FER: variants seen among roughly 807,000 people sequenced by gnomAD.
The protein encoded by FER is tyrosine-protein kinase Fer.
A neutral mutation model predicts 111.0 loss-of-function variants in FER; 63 were observed. The observed-to-expected ratio is 0.57, with a 90% CI of 0.46 to 0.70. FER has a LOEUF of 0.70. Among genes scored for constraint, FER ranks in the 30% least tolerant of loss-of-function variants. The pLI is 0.00. For missense variants in FER, 914 were observed against 954.0 expected (o/e 0.96, Z 0.55); for synonymous variants, 327 against 313.9 (o/e 1.04, Z -0.44).
chr5:109,041,360 A>C (rs1055366499), intron 14 of FER, among the ~76,000 whole-genome samples: 3 of 152,120 alleles, frequency 2.0e-5, no homozygotes, highest in African/African-American at 7.2e-5. Context: ...ACACAGAAGG[A>C]GGAGAATATA....
At chr5:108,992,447 G>A (rs1763326111) in intron 13 of FER, among the ~76,000 whole-genome samples, 1 of 151,978 alleles carries the variant, frequency 6.6e-6, no homozygotes, top group South Asian at 2.1e-4. Flanking sequence ...TCCCAGTAGG[G>A]GCGGCAGGGC....
chr5:108,787,536 T>C (rs1754882706), intron 2 of FER, among the ~76,000 whole-genome samples: 1 of 152,164 alleles, frequency 6.6e-6, no homozygotes, highest in Non-Finnish European at 1.5e-5. Flanking sequence ...GAGTGAGAAC[T>C]TCATTGATGA....
chr5:108,905,730 T>A (rs1458036713), intron 10 of FER, among the ~76,000 whole-genome samples: 1 of 152,198 alleles, frequency 6.6e-6, no homozygotes, highest in Admixed American at 6.5e-5. Context: ...AAACATTTTT[T>A]AAACTTGTGT....
intron 5 of FER, chr5:108,842,227 G>A (rs1761340477): frequency 6.6e-6 from 1 of 152,184 alleles, no homozygotes; most frequent in Non-Finnish European, 1.5e-5. Context: ...ATAGGTACAT[G>A]GAGATATTGA....
chr5:108,788,860 TATTG>T (rs932984889), intron 2 of FER, among the ~76,000 whole-genome samples: 1 of 152,248 alleles, frequency 6.6e-6, no homozygotes, highest in Non-Finnish European at 1.5e-5. Flanking sequence ...CTGTCATGAT[TATTG>T]ATTTCTAAAG....
intron 2 of FER, among the ~76,000 whole-genome samples, chr5:108,776,944 A>G (rs555626913): frequency 6.6e-6 from 1 of 152,354 alleles, no homozygotes; most frequent in Non-Finnish European, 1.5e-5. Flanking sequence ...CTTTTGTGTA[A>G]TATTCTGTTT....
intron 3 of FER, among the ~76,000 whole-genome samples, chr5:108,814,393 C>T (rs987862476): frequency 2.8e-4 from 42 of 152,070 alleles, no homozygotes; most frequent in African/African-American, 9.4e-4. Context: ...TACAGCTACT[C>T]CATACACAGG....
intron 14 of FER, 35 bp downstream of exon 14, chr5:109,037,513 T>C (rs1770567171): frequency 1.3e-6 from 2 of 1,567,166 alleles, no homozygotes; most frequent in East Asian, 2.2e-5. Flanking sequence ...ACCAGAAGTC[T>C]CTATATTGAT....
chr5:109,085,470 A>C (rs1397279783), intron 16 of FER, among the ~76,000 whole-genome samples: 1 of 141,624 alleles, frequency 7.1e-6, no homozygotes, highest in East Asian at 2.0e-4. Flanking sequence ...TTTTTTTTGT[A>C]GATTTTTTTT....
At chr5:108,850,980 G>C (rs530786309) in intron 5 of FER, among the ~76,000 whole-genome samples, 11 of 152,244 alleles carry the variant, frequency 7.2e-5, no homozygotes, top group African/African-American at 2.4e-4. Context: ...GATAATGAAA[G>C]ACCAAAACAC....
intron 10 of FER, among the ~76,000 whole-genome samples, chr5:108,943,961 TG>T (rs1445032304): frequency 1.3e-5 from 2 of 152,136 alleles, no homozygotes; most frequent in Admixed American, 6.6e-5. Flanking sequence ...ATCAAACTCC[TG>T]GGTTCGAGCA....
intron 13 of FER, among the ~76,000 whole-genome samples, chr5:108,959,815 T>G (rs1235257263): frequency 1.3e-5 from 2 of 152,100 alleles, no homozygotes; most frequent in Non-Finnish European, 2.9e-5. Flanking sequence ...AATCAGAAAC[T>G]TATCTATGTG....
chr5:108,792,498 C>T (rs531743667), intron 2 of FER, among the ~76,000 whole-genome samples: 3 of 152,086 alleles, frequency 2.0e-5, no homozygotes, highest in South Asian at 2.1e-4. Context: ...CCACCACGCA[C>T]GGCTAATTTT....
chr5:108,959,442 T>C, intron 13 of FER, 95 bp downstream of exon 13: 10 of 1,259,632 alleles, frequency 7.9e-6, no homozygotes, highest in Non-Finnish European at 9.6e-6. Flanking sequence ...GGTTATATGC[T>C]AGTAGTTCAG....
At chr5:109,099,605 A>G (rs1747962556) in intron 16 of FER, among the ~76,000 whole-genome samples, 1 of 151,566 alleles carries the variant, frequency 6.6e-6, no homozygotes, top group Non-Finnish European at 1.5e-5. Flanking sequence ...TTTCATATTG[A>G]CATATGTTGA....
rs563560493 is a variant in FER, at chr5:109,060,456, C to T, written c.1924+13258C>T. ...AAAATAATACTTTGGGAGGCTGAGG[C>T]GGGCGGATCATGAGGTCAAGAGATC... On this transcript the variant is annotated intron_variant, in intron 16 of 19. Transcript: ENST00000281092. 9.2e-5 allele frequency among the ~76,000 whole-genome samples: 14 copies of T among 152,104 alleles called. No homozygotes were observed. The South Asian group carries it at 2.1e-3, about 23-fold the overall frequency.
intron 16 of FER, among the ~76,000 whole-genome samples, chr5:109,094,710 T>C (rs1351042563): frequency 6.6e-6 from 1 of 152,198 alleles, no homozygotes; most frequent in Admixed American, 6.5e-5. Flanking sequence ...AATAAAACTT[T>C]ATTCACAGAA....
intron 16 of FER, among the ~76,000 whole-genome samples, chr5:109,082,203 C>G (rs939085717): frequency 6.6e-6 from 1 of 151,948 alleles, no homozygotes; most frequent in African/African-American, 2.4e-5. Flanking sequence ...ATAGGACTCC[C>G]TACTCTTGCC....
intron 16 of FER, among the ~76,000 whole-genome samples, chr5:109,086,325 T>C (rs1777562184): frequency 6.6e-6 from 1 of 151,750 alleles, no homozygotes; most frequent in Non-Finnish European, 1.5e-5. Flanking sequence ...ATTTATCATA[T>C]CCCCTAATTA....
Sources: gnomAD v4.1 joint callset for allele counts (sites outside exome capture counted in the v4.1 genomes callset) on GRCh38, gnomAD v4.1.1 for gene constraint, MANE v1.5 for transcripts, NCBI Gene and HGNC (gene_info 2026-07-23, HGNC 2026-07-21) for gene names.